PXN: variants seen among roughly 807,000 people sequenced by gnomAD.
The protein encoded by PXN is testicular tissue protein Li 134.
PXN carries 61 observed loss-of-function variants against 103.6 expected under a neutral mutation model. That is an observed-to-expected ratio of 0.59 (90% CI 0.48 to 0.73). The LOEUF (loss-of-function observed/expected upper bound fraction) is 0.73, where lower values mean the gene tolerates loss of function less well. PXN is among the 30% of genes least tolerant of loss of function. PXN has a pLI of 0.00. For synonymous variants in PXN, 562 were observed against 607.8 expected (o/e 0.92, Z 1.11); for missense variants, 1,274 against 1,460.3 (o/e 0.87, Z 2.08).
chr12:120,240,826 G>A (rs1489566256), intron 1 of PXN, among the ~76,000 whole-genome samples: 2 of 152,180 alleles, frequency 1.3e-5, no homozygotes, highest in African/African-American at 4.8e-5. Context: ...ACTGACTCCA[G>A]AGGCCCTGAG....
chr12:120,211,736 C>T lies in PXN; in HGVS notation c.*578G>A. On this transcript the variant is annotated 3_prime_UTR_variant, in exon 15 of 15. Transcript: ENST00000637617. ...AAAAGGGGAGGGCGGGTCTAAAAGG[C>T]AGGGGCAGTCGCCAGGCCTAGGGCA... is the stretch of plus-strand genomic sequence containing the variant. The T allele has an allele frequency of 2.9e-6, 1 of 349,420 alleles. No individual in the cohort carries two copies. Among genetic ancestry groups the T allele is most frequent in the Non-Finnish European group, 5.7e-6 (1 of 174,782 alleles). 21.6% of individuals were successfully genotyped at this position (349,420 alleles called of 1,614,324 possible).
At chr12:120,246,722 G>C (rs1194938889) in intron 1 of PXN, among the ~76,000 whole-genome samples, 2 of 151,220 alleles carry the variant, frequency 1.3e-5, no homozygotes, top group African/African-American at 2.4e-5. Flanking sequence ...AGGCATGGTG[G>C]TGCGTGCCTG....
rs1880549906 is a variant in PXN, at chr12:120,212,590, GGA to G, written c.2980-12_2980-11del. The stretch of plus-strand genomic sequence containing the variant: ...ATGGCGTGAAGCATTCCTGCCAGGC[GGA>G]GAGAGGGGCTCAGGGAGCTGCCCCT... On this transcript the variant is annotated splice_polypyrimidine_tract_variant and intron_variant, in intron 14 of 14. Transcript: ENST00000637617. The surrounding 1 kb of genome is among the most constrained non-coding windows in gnomAD (Gnocchi z 7.2). The G allele has an allele frequency of 3.1e-6, 5 of 1,608,038 alleles. No homozygotes were observed. The highest frequency in any genetic ancestry group is 2.7e-5 in the African/African-American group (2 of 74,858).
intron 1 of PXN, among the ~76,000 whole-genome samples, chr12:120,257,204 C>T (rs1249149084): frequency 2.6e-5 from 4 of 152,208 alleles, no homozygotes; most frequent in Non-Finnish European, 5.9e-5. Flanking sequence ...AATGTGTGCC[C>T]TGCTCTCCCC....
At position 120,215,349 on chromosome 12, in the gene PXN, C is replaced by G; in HGVS notation, c.2404-76G>C. On this transcript the variant is annotated intron_variant, in intron 10 of 14. Transcript: ENST00000637617. This position sits in a 1 kb window ranked among gnomAD's most constrained non-coding sequence, Gnocchi z 4.9. The stretch of plus-strand genomic sequence containing the variant: ...GTCTGGCAGCACAGGGATGGGGGTA[C>G]TTTTCTCCCTCCTGGACAGATGAGC... 6.6e-7 allele frequency: 1 copy of G among 1,520,194 alleles called. No homozygotes were observed. The highest frequency in any genetic ancestry group is 8.8e-7 in the Non-Finnish European group (1 of 1,137,942). 94.2% of individuals were successfully genotyped at this position (1,520,194 alleles called of 1,614,324 possible).
At position 120,221,789 on chromosome 12, in the gene PXN, C is replaced by T. The variant is rs372920863; in HGVS notation, c.696-31G>A. On this transcript the variant is annotated intron_variant, in intron 5 of 14. Coordinates refer to ENST00000637617, the MANE Select transcript of PXN (RefSeq NM_001385981.1). This position sits in a 1 kb window ranked among gnomAD's most constrained non-coding sequence, Gnocchi z 6.6. ...GGGTGGGCACAGCATCAGTGGGGAGCCCACAGTCAGCCCCACACTTCCCGG... is the reference window on the plus strand; with the variant it reads ...GGGTGGGCACAGCATCAGTGGGGAGTCCACAGTCAGCCCCACACTTCCCGG... 2 of 1,534,272 alleles carry T rather than the reference C, an allele frequency of 1.3e-6. No homozygotes were observed. The highest frequency in any genetic ancestry group is 2.4e-5 in the East Asian group (1 of 41,144).
intron 1 of PXN, among the ~76,000 whole-genome samples, chr12:120,255,197 C>T (rs939060630): frequency 6.6e-6 from 1 of 152,176 alleles, no homozygotes; most frequent in Non-Finnish European, 1.5e-5. Context: ...AGTTGAAAAA[C>T]AAGGAGTTCA....
chr12:120,211,474 G>A lies in PXN; in HGVS notation c.*840C>T, dbSNP rs912502351. 3 of 167,400 alleles carry A rather than the reference G, an allele frequency of 1.8e-5. No homozygotes were observed. The highest frequency in any genetic ancestry group is 3.9e-5 in the Non-Finnish European group (3 of 76,062). 10.4% of individuals were successfully genotyped at this position (167,400 alleles called of 1,614,324 possible). A position where few individuals can be genotyped will look rare whatever the true frequency, so the allele number is the denominator to read the frequency against. ...ACTTCACACCAGAGCCACCATCAGT[G>A]ACAGGCCCAGTGGCGGTGGATGAGG... On this transcript the variant is annotated 3_prime_UTR_variant, in exon 15 of 15. Transcript: ENST00000637617.
At chr12:120,247,039 T>C (rs1347260684) in intron 1 of PXN, among the ~76,000 whole-genome samples, 1 of 148,576 alleles carries the variant, frequency 6.7e-6, no homozygotes, top group Non-Finnish European at 1.5e-5. Flanking sequence ...AAAAAAAAAT[T>C]TTAAAAAAAA....
chr12:120,237,147 A>G (rs375486833), intron 1 of PXN, among the ~76,000 whole-genome samples: 1,249 of 81,646 alleles, frequency 0.015, 9 homozygotes, highest in African/African-American at 0.052. Context: ...GTGTGTGTGT[A>G]TACACACACA....
At chr12:120,226,425 C>T (rs533989378) in intron 1 of PXN, 4 of 1,289,026 alleles carry the variant, frequency 3.1e-6, no homozygotes, top group Admixed American at 4.6e-5. Flanking sequence ...AGAGTCACAT[C>T]CCACACTGCC....
rs1395424784 is a variant in PXN, at chr12:120,223,727, T to C, written c.347A>G (p.His116Arg). The part of the protein sequence containing the change: ...SPCSRVGEEE[H>R]VYSFPNKQKS... ...CAGACTGGGGCAGTACCTGTAGACG[T>C]GCTCCTCCTCACCCACTCGGGAGCA... The change falls in exon 3 of 15, where the codon CAC becomes CGC. Residue 116 changes from histidine to arginine, a missense_variant. By Grantham distance (29) the His-to-Arg change is conservative (BLOSUM62 0). Transcript: ENST00000637617. 7 of 1,591,736 alleles carry C rather than the reference T, an allele frequency of 4.4e-6. No individual in the cohort carries two copies. The highest frequency in any genetic ancestry group is 6.0e-6 in the Non-Finnish European group (7 of 1,168,600).
At chr12:120,248,531 C>CAT (rs1161545676) in intron 1 of PXN, among the ~76,000 whole-genome samples, 2 of 150,520 alleles carry the variant, frequency 1.3e-5, no homozygotes, top group Non-Finnish European at 3.0e-5. Context: ...CACACACACA[C>CAT]ACACACACAC....
At chr12:120,230,978 G>C (rs1321309118) in intron 1 of PXN, among the ~76,000 whole-genome samples, 2 of 152,182 alleles carry the variant, frequency 1.3e-5, no homozygotes, top group African/African-American at 4.8e-5. Flanking sequence ...GGTCTTGTTC[G>C]ATGCCATATC....
intron 1 of PXN, among the ~76,000 whole-genome samples, chr12:120,259,872 T>C (rs1893594045): frequency 6.6e-6 from 1 of 152,226 alleles, no homozygotes. Flanking sequence ...CTCAGCTTCC[T>C]GATTCTCTCT....
At chr12:120,244,577 G>A (rs1890725198) in intron 1 of PXN, among the ~76,000 whole-genome samples, 1 of 151,890 alleles carries the variant, frequency 6.6e-6, no homozygotes, top group African/African-American at 2.4e-5. Context: ...GAACCCGGGA[G>A]GCGGAGCTTG....
rs1019689341 is a variant in PXN, at chr12:120,216,195, C to CGT, written c.2301+76_2301+77dup. Reference sequence around the variant, plus strand: ...GGGTATCTGTGTATGTGTGTGTGCACGTGTGTGTGTGCAGAGTGGGGGATG... The same window carrying CGT: ...GGGTATCTGTGTATGTGTGTGTGCACGTGTGTGTGTGTGCAGAGTGGGGGATG... On this transcript the variant is annotated intron_variant, in intron 9 of 14. Coordinates refer to ENST00000637617, the MANE Select transcript of PXN (RefSeq NM_001385981.1). The surrounding 1 kb of genome is among the most constrained non-coding windows in gnomAD (Gnocchi z 5.1). 4 of 1,267,310 alleles carry CGT rather than the reference C, an allele frequency of 3.2e-6. No homozygotes were observed. Among genetic ancestry groups the CGT allele is most frequent in the African/African-American group, 1.6e-5 (1 of 64,386 alleles). 78.5% of individuals were successfully genotyped at this position (1,267,310 alleles called of 1,614,324 possible). A position where few individuals can be genotyped will look rare whatever the true frequency, so the allele number is the denominator to read the frequency against.
intron 1 of PXN, among the ~76,000 whole-genome samples, chr12:120,232,985 G>A (rs1888351892): frequency 1.3e-5 from 2 of 152,118 alleles, no homozygotes; most frequent in South Asian, 4.1e-4. Flanking sequence ...ACATTTAGCT[G>A]GTCACTAAGT....
chr12:120,216,117 G>A lies in PXN; in HGVS notation c.2301+156C>T. The A allele has an allele frequency of 1.6e-6, 2 of 1,286,576 alleles. No individual in the cohort carries two copies. Among genetic ancestry groups the A allele is most frequent in the Non-Finnish European group, 2.0e-6 (2 of 1,019,196 alleles). 79.7% of individuals were successfully genotyped at this position (1,286,576 alleles called of 1,614,324 possible). A position where few individuals can be genotyped will look rare whatever the true frequency, so the allele number is the denominator to read the frequency against. ...TGAGTGGGGGAAGACCGGGGTCAAG[G>A]TTTACGGCAGGACTGTGGTTACTGT... On this transcript the variant is annotated intron_variant, in intron 9 of 14. Transcript: ENST00000637617. This position sits in a 1 kb window ranked among gnomAD's most constrained non-coding sequence, Gnocchi z 5.1.
Sources: allele counts gnomAD v4.1 joint callset (sites outside exome capture counted in the v4.1 genomes callset), GRCh38; gene constraint gnomAD v4.1.1; non-coding constraint Gnocchi (gnomAD v3.1); transcripts MANE v1.5; gene names NCBI Gene and HGNC (gene_info 2026-07-23, HGNC 2026-07-21).